The following LRRC37A2 variants were observed in gnomAD, a reference collection of about 807,000 sequenced individuals.
LRRC37A2 encodes leucine rich repeat containing 37 member A2.
LRRC37A2 carries 9 observed loss-of-function variants against 68.8 expected under a neutral mutation model. The observed-to-expected ratio is 0.13, with a 90% confidence interval of 0.08 to 0.23. LRRC37A2 has a LOEUF of 0.23. Ranked by LOEUF, LRRC37A2 falls within the 10% of genes least tolerant of loss-of-function variation. The pLI, the probability that LRRC37A2 is intolerant of heterozygous loss-of-function variation, is 1.00. For missense variants in LRRC37A2, 168 were observed against 950.4 expected (o/e 0.18, Z 10.82); for synonymous variants, 63 against 367.6 (o/e 0.17, Z 9.48).
At chr17:46,489,334 C>T in the LRRC37A2 span, among the ~76,000 whole-genome samples, 1 of 98,898 alleles carries the variant, frequency 1.0e-5, no homozygotes, top group Non-Finnish European at 2.2e-5. Context: ...GACGGGGTTT[C>T]ACCATGTTGG....
the LRRC37A2 span, among the ~76,000 whole-genome samples, chr17:46,769,315 C>CAAAA: frequency 3.9e-5 from 4 of 102,854 alleles, no homozygotes; most frequent in Admixed American, 1.0e-4. Flanking sequence ...GACTCCGTCT[C>CAAAA]AAAAAAAAAA....
the LRRC37A2 span, among the ~76,000 whole-genome samples, chr17:46,956,384 G>A: frequency 3.5e-5 from 5 of 142,906 alleles, no homozygotes; most frequent in East Asian, 2.2e-4. Flanking sequence ...TCCACCTCCC[G>A]GGTTCAAGCG....
At chr17:46,940,376 G>A in the LRRC37A2 span, 2 of 1,521,260 alleles carry the variant, frequency 1.3e-6, no homozygotes, top group Non-Finnish European at 8.8e-7. Flanking sequence ...AGCAGTGACT[G>A]GAGGGTGGAC....
At chr17:46,941,987 A>G in the LRRC37A2 span, 4 of 981,706 alleles carry the variant, frequency 4.1e-6, no homozygotes, top group Non-Finnish European at 4.8e-6. Context: ...AAAACTTGTT[A>G]AGTCCAAAAT....
the LRRC37A2 span, chr17:46,936,435 G>A: frequency 1.2e-4 from 116 of 985,346 alleles, no homozygotes; most frequent in Non-Finnish European, 1.3e-4. Flanking sequence ...CTGTGAGGTG[G>A]CTGGGGGTTG....
At chr17:46,903,143 T>A in the LRRC37A2 span, among the ~76,000 whole-genome samples, 216 of 152,112 alleles carry the variant, frequency 1.4e-3, no homozygotes, top group Non-Finnish European at 2.6e-3. Context: ...TATCCAGGTA[T>A]GGTGGTGCAT....
chr17:46,816,698 C>G, the LRRC37A2 span, among the ~76,000 whole-genome samples: 1 of 152,198 alleles, frequency 6.6e-6, no homozygotes, highest in Non-Finnish European at 1.5e-5. Flanking sequence ...AGAATCTACA[C>G]CAACTGGAAG....
chr17:46,469,587 G>A, the LRRC37A2 span, among the ~76,000 whole-genome samples: 2 of 46,554 alleles, frequency 4.3e-5, no homozygotes, highest in Non-Finnish European at 9.8e-5. Flanking sequence ...TGCAGAAGAC[G>A]TTCAGATGTA....
At chr17:46,869,313 T>C in the LRRC37A2 span, among the ~76,000 whole-genome samples, 1 of 152,292 alleles carries the variant, frequency 6.6e-6, no homozygotes, top group Non-Finnish European at 1.5e-5. Context: ...GGCCTGAGGA[T>C]TTGCATTCCA....
the LRRC37A2 span, among the ~76,000 whole-genome samples, chr17:46,407,628 T>TA: frequency 8.9e-6 from 1 of 112,254 alleles, no homozygotes; most frequent in African/African-American, 3.0e-5. Context: ...GTAGAATCCT[T>TA]AAAGGCATTT....
the LRRC37A2 span, among the ~76,000 whole-genome samples, chr17:46,962,424 C>T: frequency 1.3e-5 from 2 of 152,142 alleles, no homozygotes; most frequent in East Asian, 1.9e-4. Context: ...TGTTTAGTCT[C>T]CTCACACATC....
the LRRC37A2 span, among the ~76,000 whole-genome samples, chr17:46,754,580 C>T: frequency 6.6e-6 from 1 of 152,234 alleles, no homozygotes; most frequent in East Asian, 1.9e-4. Flanking sequence ...CTCCTGTGGG[C>T]CTACGAGAAT....
chr17:46,852,662 C>T, the LRRC37A2 span, among the ~76,000 whole-genome samples: 1,202 of 152,098 alleles, frequency 7.9e-3, 11 homozygotes, highest in Non-Finnish European at 0.013. Flanking sequence ...TCCCACCATC[C>T]ACCCAAAGCC....
the LRRC37A2 span, among the ~76,000 whole-genome samples, chr17:46,815,133 G>T: frequency 1.3e-5 from 2 of 152,114 alleles, no homozygotes; most frequent in African/African-American, 4.8e-5. Flanking sequence ...TGTAGCAGGT[G>T]CTGGGCTAGG....
chr17:46,874,716 T>C, the LRRC37A2 span, among the ~76,000 whole-genome samples: 2 of 152,152 alleles, frequency 1.3e-5, no homozygotes, highest in Non-Finnish European at 2.9e-5. Flanking sequence ...TAGCTGGGAA[T>C]ATTGGCATGT....
At chr17:46,983,848 G>T in the LRRC37A2 span, among the ~76,000 whole-genome samples, 1 of 152,190 alleles carries the variant, frequency 6.6e-6, no homozygotes, top group East Asian at 1.9e-4. Flanking sequence ...GGCCAGGACT[G>T]CAGTCATGTA....
chr17:46,502,906 TCAA>T, the LRRC37A2 span, among the ~76,000 whole-genome samples: 1 of 150,718 alleles, frequency 6.6e-6, no homozygotes, highest in Admixed American at 6.6e-5. Context: ...GTGGTAGCAC[TCAA>T]CGTTTAAAAA....
chr17:46,923,287 G>C, the LRRC37A2 span: 1 of 1,549,424 alleles, frequency 6.5e-7, no homozygotes, highest in Non-Finnish European at 8.7e-7. Context: ...TGGCTTCTGG[G>C]GCTGAGGCCT....
At chr17:46,909,130 C>A in the LRRC37A2 span, among the ~76,000 whole-genome samples, 1 of 152,222 alleles carries the variant, frequency 6.6e-6, no homozygotes, top group Admixed American at 6.5e-5. Context: ...TGGCTCACTG[C>A]AGCCTCCAAC....
Sources: allele counts gnomAD v4.1 joint callset (sites outside exome capture counted in the v4.1 genomes callset), GRCh38; gene constraint gnomAD v4.1.1; transcripts MANE v1.5; gene names NCBI Gene and HGNC (gene_info 2026-07-23, HGNC 2026-07-21).